The following CRYZL1 variants were observed in gnomAD, a reference collection of about 807,000 sequenced individuals.
The protein encoded by CRYZL1 is ferry endosomal RAB5 effector complex subunit 4.
Under a neutral mutation model 50.6 loss-of-function variants are expected in CRYZL1, and 34 were observed. The ratio of observed to expected loss-of-function variants is 0.67; its 90% CI spans 0.51 to 0.89. CRYZL1 has a LOEUF of 0.89. CRYZL1 is among the 40% of genes least tolerant of loss of function. The pLI, the probability that CRYZL1 is intolerant of heterozygous loss-of-function variation, is 0.00. For synonymous variants in CRYZL1, 125 were observed against 134.3 expected (o/e 0.93, Z 0.48); for missense variants, 354 against 402.3 (o/e 0.88, Z 1.03).
chr21:33,641,265 G>A (rs2087320204), intron 1 of CRYZL1: 1 of 1,550,458 alleles, frequency 6.4e-7, no homozygotes. Context: ...ACTACTAACT[G>A]CTTTCCGAAA....
chr21:33,624,164 T>C (rs1384823876), intron 3 of CRYZL1, among the ~76,000 whole-genome samples: 1 of 152,200 alleles, frequency 6.6e-6, no homozygotes, highest in African/African-American at 2.4e-5. Flanking sequence ...TATTTTCATA[T>C]AAAATACGTA....
At chr21:33,641,169 CGATG>C in intron 1 of CRYZL1, 1 of 1,550,250 alleles carries the variant, frequency 6.5e-7, no homozygotes, top group South Asian at 1.2e-5. Context: ...TATCCCAAGG[CGATG>C]CTTACATCTC....
At position 33,628,854 on chromosome 21, in the gene CRYZL1, C is replaced by T. The variant is rs577737203; in HGVS notation, c.66+2632G>A. On this transcript the variant is annotated intron_variant, in intron 2 of 12. Coordinates refer to ENST00000381554, the MANE Select transcript of CRYZL1 (RefSeq NM_145858.3). Reference sequence around the variant, plus strand: ...GAACTCCTGGGCTCAAGTGATCTTCCATCCTTGGTCTCCCAAAGTGCTGGG... The same window carrying T: ...GAACTCCTGGGCTCAAGTGATCTTCTATCCTTGGTCTCCCAAAGTGCTGGG... 5.9e-5 allele frequency among the ~76,000 whole-genome samples: 9 copies of T among 152,108 alleles called. 1 individual carries two copies. The highest frequency in any genetic ancestry group is 2.1e-4 in the South Asian group (1 of 4,816).
intron 11 of CRYZL1, 45 bp downstream of exon 11, chr21:33,595,686 T>A: frequency 6.2e-7 from 1 of 1,609,812 alleles, no homozygotes; most frequent in South Asian, 1.1e-5. Flanking sequence ...CTTAGTACAG[T>A]ACAAAGTTCA....
At chr21:33,597,149 T>C (rs2086703101) in intron 10 of CRYZL1, 131 bp downstream of exon 10, 1 of 853,140 alleles carries the variant, frequency 1.2e-6, no homozygotes, top group African/African-American at 1.7e-5. Flanking sequence ...GACTCATAGG[T>C]GTGAGCCACC....
At chr21:33,609,953 C>T (rs2086853566) in intron 6 of CRYZL1, among the ~76,000 whole-genome samples, 1 of 151,586 alleles carries the variant, frequency 6.6e-6, no homozygotes. Flanking sequence ...ATCCGCCCGC[C>T]TCGGCCTCCC....
chr21:33,631,426 G>A lies in CRYZL1; in HGVS notation c.66+60C>T. 3 of 1,204,016 alleles carry A rather than the reference G, an allele frequency of 2.5e-6. No homozygotes were observed. The East Asian group carries it at 8.4e-5, about 34-fold the overall frequency. 74.6% of individuals were successfully genotyped at this position (1,204,016 alleles called of 1,614,324 possible). ...TCACTGAAAATAACGTCATTTAAAAGTGGGTTTATTGCAGATAAAAATACA... is the reference window on the plus strand; with the variant it reads ...TCACTGAAAATAACGTCATTTAAAAATGGGTTTATTGCAGATAAAAATACA... On this transcript the variant is annotated intron_variant, in intron 2 of 12. Transcript: ENST00000381554.
At chr21:33,601,350 T>C (rs888500744) in intron 8 of CRYZL1, among the ~76,000 whole-genome samples, 10 of 152,122 alleles carry the variant, frequency 6.6e-5, no homozygotes, top group African/African-American at 2.4e-4. Flanking sequence ...ACAAGCATAA[T>C]GTAACAGTGG....
chr21:33,620,755 A>G (rs888077257), intron 4 of CRYZL1, among the ~76,000 whole-genome samples: 1 of 149,426 alleles, frequency 6.7e-6, no homozygotes, highest in African/African-American at 2.5e-5. Flanking sequence ...GTTGCAGTGG[A>G]GCAGACATCA....
intron 7 of CRYZL1, 130 bp from the exon 8 acceptor site, chr21:33,602,475 A>G: frequency 2.3e-6 from 1 of 443,296 alleles, no homozygotes; most frequent in Non-Finnish European, 4.0e-6. Flanking sequence ...ATGTTATCTA[A>G]TAGGAAAAGA....
chr21:33,613,441 A>T, intron 6 of CRYZL1, 97 bp downstream of exon 6: 1 of 822,618 alleles, frequency 1.2e-6, no homozygotes, highest in Non-Finnish European at 2.0e-6. Flanking sequence ...ATTAAGTACA[A>T]CACTTATGGT....
intron 11 of CRYZL1, chr21:33,594,750 C>G (rs1014730326): frequency 6.9e-6 from 1 of 144,640 alleles, no homozygotes; most frequent in Non-Finnish European, 1.5e-5. Flanking sequence ...TCAAGCGATT[C>G]TTCTGCCTCA....
rs148600252 is a variant in CRYZL1, at chr21:33,600,933, G to T, written c.577+1301C>A. The stretch of plus-strand genomic sequence containing the variant: ...TGAGCCACTGTGCCCGGTCCATAAA[G>T]TTTTTTTTTTTTTTTTTTTTGGGGG... On this transcript the variant is annotated intron_variant, in intron 8 of 12. Transcript: ENST00000381554. Among the ~76,000 whole-genome samples, 78 of 59,538 alleles carry T rather than the reference G, an allele frequency of 1.3e-3. 5 individuals carry two copies. The highest frequency in any genetic ancestry group is 6.3e-3 in the South Asian group (10 of 1,596). The allele number at this position is 59,538 out of a possible 152,430, so 39.1% of individuals were successfully genotyped here.
rs199612151 is a variant in CRYZL1 at position 33,603,561 on chromosome 21, C to G, written c.332-24G>C. 1.5e-5 allele frequency: 24 copies of G among 1,613,126 alleles called. No individual in the cohort carries two copies. The South Asian group carries it at 2.6e-4, about 18-fold the overall frequency. On this transcript the variant is annotated intron_variant, in intron 6 of 12. Coordinates refer to ENST00000381554, the MANE Select transcript of CRYZL1 (RefSeq NM_145858.3). ...AACTATCATAAAGAACAAGAAGAAA[C>G]AATCTGTTAGCAAGTCCCACAAGTC...
intron 1 of CRYZL1, among the ~76,000 whole-genome samples, chr21:33,636,592 A>G (rs979126479): frequency 6.6e-6 from 1 of 152,234 alleles, no homozygotes; most frequent in Non-Finnish European, 1.5e-5. Context: ...AGATAATACC[A>G]ATTTAGAATA....
chr21:33,610,187 A>G (rs2086856700), intron 6 of CRYZL1, among the ~76,000 whole-genome samples: 1 of 146,178 alleles, frequency 6.8e-6, no homozygotes, highest in East Asian at 2.1e-4. Flanking sequence ...TTTTTTTGAG[A>G]CAGAGTCTTG....
chr21:33,599,600 T>C (rs2086729488), intron 8 of CRYZL1, among the ~76,000 whole-genome samples: 1 of 151,482 alleles, frequency 6.6e-6, no homozygotes, highest in African/African-American at 2.4e-5. Flanking sequence ...CAGAGGTACA[T>C]ATATAATACG....
At chr21:33,610,437 T>G (rs1041908213) in intron 6 of CRYZL1, among the ~76,000 whole-genome samples, 3 of 152,156 alleles carry the variant, frequency 2.0e-5, no homozygotes, top group African/African-American at 7.2e-5. Context: ...ATTACAGGCA[T>G]GAGCCACCAC....
intron 1 of CRYZL1, among the ~76,000 whole-genome samples, chr21:33,634,413 G>GT (rs2087177922): frequency 6.6e-6 from 1 of 152,116 alleles, no homozygotes; most frequent in South Asian, 2.1e-4. Flanking sequence ...ACAGAATGCT[G>GT]TAATTTAGAT....
Sources: allele counts gnomAD v4.1 joint callset (sites outside exome capture counted in the v4.1 genomes callset), GRCh38; gene constraint gnomAD v4.1.1; transcripts MANE v1.5; gene names NCBI Gene and HGNC (gene_info 2026-07-23, HGNC 2026-07-21).